CERT1: variants seen among roughly 807,000 people sequenced by gnomAD.
CERT1 encodes ceramide transfer protein.
Under a neutral mutation model 87.9 loss-of-function variants are expected in CERT1, and 31 were observed. That is an observed-to-expected ratio of 0.35 (90% CI 0.27 to 0.48). The LOEUF (loss-of-function observed/expected upper bound fraction) is 0.48. CERT1 is among the 20% of genes least tolerant of loss of function. The pLI, the probability that CERT1 is intolerant of heterozygous loss-of-function variation, is 0.99. For missense variants in CERT1, 487 were observed against 758.0 expected (o/e 0.64, Z 4.20); for synonymous variants, 289 against 250.9 (o/e 1.15, Z -1.44).
rs138045856 is a variant in CERT1 at position 75,383,230 on chromosome 5, T to A, written c.1489-1153A>T. ...TAATGTGATTTTCTTGAAAAAATGA[T>A]TCCAGGACAATTTGTTTATTCCAAG... On this transcript the variant is annotated intron_variant, in intron 14 of 16. Coordinates refer to ENST00000643780, the MANE Select transcript of CERT1 (RefSeq NM_001379029.1). Among the ~76,000 whole-genome samples the A allele has an allele frequency of 6.6e-4, 101 of 152,190 alleles. 1 individual carries two copies. The highest frequency in any genetic ancestry group is 2.4e-3 in the African/African-American group (98 of 41,550).
At chr5:75,428,791 C>T (rs988468083) in intron 3 of CERT1, among the ~76,000 whole-genome samples, 2 of 151,996 alleles carry the variant, frequency 1.3e-5, no homozygotes, top group Admixed American at 6.6e-5. Context: ...ATTCATTAAC[C>T]TTAAATTCAT....
chr5:75,506,293 T>C (rs868116298), intron 1 of CERT1, among the ~76,000 whole-genome samples, 177 bp from the exon 2 acceptor site: 20 of 152,212 alleles, frequency 1.3e-4, no homozygotes, highest in African/African-American at 4.6e-4. Context: ...ATTTTCTAGA[T>C]TGCATAATGA....
At chr5:75,449,237 G>A (rs1764678068) in intron 3 of CERT1, among the ~76,000 whole-genome samples, 3 of 152,086 alleles carry the variant, frequency 2.0e-5, no homozygotes, top group Admixed American at 2.0e-4. Flanking sequence ...CAAGGAAACA[G>A]AAACTAAGAA....
chr5:75,380,797 AAAG>A (rs1483034551), intron 16 of CERT1, among the ~76,000 whole-genome samples: 2 of 151,540 alleles, frequency 1.3e-5, no homozygotes, highest in Non-Finnish European at 2.9e-5. Context: ...AAAAAAAAAA[AAAG>A]AAGGGTATAT....
At chr5:75,411,937 G>T (rs16872555) in intron 7 of CERT1, among the ~76,000 whole-genome samples, 4 of 152,034 alleles carry the variant, frequency 2.6e-5, no homozygotes, top group Non-Finnish European at 5.9e-5. Flanking sequence ...GTATTTTAGC[G>T]TTGAAAAAGA....
At position 75,511,534 on chromosome 5, in the gene CERT1, A is replaced by AAAGGGAAAAGAAGGG. The variant is rs1460671417; in HGVS notation, c.-342_-328dup. The AAAGGGAAAAGAAGGG allele has an allele frequency of 6.8e-7, 1 of 1,463,842 alleles. No individual in the cohort carries two copies. The highest frequency in any genetic ancestry group is 9.0e-7 in the Non-Finnish European group (1 of 1,109,878). 90.7% of individuals were successfully genotyped at this position (1,463,842 alleles called of 1,614,324 possible). A position where few individuals can be genotyped will look rare whatever the true frequency, so the allele number is the denominator to read the frequency against. ...GATGCCAATTTCAAATAGGGAAGGA[A>AAAGGGAAAAGAAGGG]AAGGGAAAAGAAGGGAAGAGAAAAT... On this transcript the variant is annotated 5_prime_UTR_variant, in exon 1 of 17. Transcript: ENST00000643780.
chr5:75,397,120 A>G (rs999152996), intron 11 of CERT1, among the ~76,000 whole-genome samples: 1 of 152,240 alleles, frequency 6.6e-6, no homozygotes, highest in Non-Finnish European at 1.5e-5. Flanking sequence ...ACTGCTGAAC[A>G]TAAGGCACAC....
intron 3 of CERT1, among the ~76,000 whole-genome samples, chr5:75,441,009 T>C (rs1767404669): frequency 6.6e-6 from 1 of 152,170 alleles, no homozygotes; most frequent in Non-Finnish European, 1.5e-5. Context: ...ACTATCAGCC[T>C]CTATATTCAT....
At chr5:75,381,837 G>T in intron 15 of CERT1, 112 bp downstream of exon 15, 1 of 991,208 alleles carries the variant, frequency 1.0e-6, no homozygotes. Flanking sequence ...TAAAATCTAA[G>T]AACCATTATC....
At chr5:75,503,296 A>G (rs1010617494) in intron 2 of CERT1, among the ~76,000 whole-genome samples, 5 of 152,012 alleles carry the variant, frequency 3.3e-5, no homozygotes, top group Non-Finnish European at 7.4e-5. Context: ...TATCAATTTC[A>G]TAAGAGTGCC....
chr5:75,465,737 G>T (rs1704325198), intron 2 of CERT1, among the ~76,000 whole-genome samples: 1 of 152,164 alleles, frequency 6.6e-6, no homozygotes, highest in Non-Finnish European at 1.5e-5. Flanking sequence ...GCTTCTACTG[G>T]AAACTGCATT....
At chr5:75,456,742 G>C (rs1238065101) in intron 3 of CERT1, among the ~76,000 whole-genome samples, 1 of 150,572 alleles carries the variant, frequency 6.6e-6, no homozygotes, top group African/African-American at 2.4e-5. Flanking sequence ...TTTTTTTCAG[G>C]AACTAAAAAT....
At chr5:75,489,510 C>T (rs998620352) in intron 2 of CERT1, among the ~76,000 whole-genome samples, 5 of 151,972 alleles carry the variant, frequency 3.3e-5, no homozygotes, top group Admixed American at 3.3e-4. Context: ...TGACAAATGG[C>T]CAATATGCAG....
chr5:75,498,577 G>A (rs1767187667), intron 2 of CERT1, among the ~76,000 whole-genome samples: 1 of 152,278 alleles, frequency 6.6e-6, no homozygotes, highest in Non-Finnish European at 1.5e-5. Flanking sequence ...TCAGCCCCAA[G>A]CCTTGGCGGC....
chr5:75,442,904 C>T (rs1360255898), intron 3 of CERT1, among the ~76,000 whole-genome samples: 29 of 152,216 alleles, frequency 1.9e-4, no homozygotes, highest in Non-Finnish European at 1.5e-5. Context: ...TAATCTCTTA[C>T]TGTGCCAAAT....
chr5:75,407,487 GC>G (rs1389625621), intron 8 of CERT1, among the ~76,000 whole-genome samples: 5 of 141,644 alleles, frequency 3.5e-5, no homozygotes, highest in African/African-American at 5.2e-5. Flanking sequence ...AAAAAAAAAG[GC>G]AAATTCTATA....
intron 5 of CERT1, among the ~76,000 whole-genome samples, chr5:75,422,600 G>A (rs1011084273): frequency 1.3e-5 from 2 of 152,186 alleles, no homozygotes; most frequent in Non-Finnish European, 2.9e-5. Flanking sequence ...CTGGGTGACA[G>A]AGGGAGACCC....
intron 8 of CERT1, among the ~76,000 whole-genome samples, chr5:75,406,838 C>A (rs1289969571): frequency 6.6e-6 from 1 of 152,052 alleles, no homozygotes; most frequent in Non-Finnish European, 1.5e-5. Context: ...AGCCACCACA[C>A]CCAGCCACAT....
chr5:75,383,039 T>C (rs1761649860), intron 14 of CERT1, among the ~76,000 whole-genome samples: 1 of 152,094 alleles, frequency 6.6e-6, no homozygotes. Flanking sequence ...GGGAAAAATA[T>C]TGTAGTGTAA....
Sources: gnomAD v4.1 joint callset for allele counts (sites outside exome capture counted in the v4.1 genomes callset) on GRCh38, gnomAD v4.1.1 for gene constraint, MANE v1.5 for transcripts, NCBI Gene and HGNC (gene_info 2026-07-23, HGNC 2026-07-21) for gene names.